CYP3A4: variants seen among roughly 807,000 people sequenced by gnomAD.
CYP3A4 encodes cytochrome P450 3A4.
In CYP3A4, 41 loss-of-function variants were observed where a neutral mutation model predicts 54.9. The observed-to-expected ratio is 0.75, with a 90% confidence interval of 0.58 to 0.97. CYP3A4 has a LOEUF of 0.97. CYP3A4 is among the 50% of genes least tolerant of loss of function. CYP3A4 has a pLI of 0.00. For missense variants in CYP3A4, 510 were observed against 597.3 expected, an observed-to-expected ratio of 0.85 and a Z score of 1.52; for synonymous variants, 179 against 205.2, an observed-to-expected ratio of 0.87 and a Z score of 1.09.
At chr7:99,765,120 G>C (rs1428196463) in intron 9 of CYP3A4, among the ~76,000 whole-genome samples, 1 of 152,164 alleles carries the variant, frequency 6.6e-6, no homozygotes, top group African/African-American at 2.4e-5. Flanking sequence ...ATAGTATTCA[G>C]TTATCATGAA....
Position 99,762,102 on chromosome 7 carries a change from T to A in CYP3A4, c.1192A>T (p.Ser398Cys). The A allele has an allele frequency of 6.2e-7, 1 of 1,614,002 alleles. No homozygotes were observed. Among genetic ancestry groups the A allele is most frequent in the South Asian group, 1.1e-5 (1 of 91,056 alleles). Residue 398 changes from serine to cysteine, a missense_variant, in exon 11 of 13, where the codon AGC becomes TGC. By Grantham distance (112) the Ser-to-Cys change is moderately radical. Coordinates refer to ENST00000651514, the MANE Select transcript of CYP3A4 (RefSeq NM_017460.6). Reference protein sequence around the residue: ...IPKGVVVMIPSYALHRDPKYW... With the variant: ...IPKGVVVMIPCYALHRDPKYW... Reference sequence around the variant, plus strand: ...TTTGGGTCACGGTGAAGAGCATAGCTTGGAATCATCACCACCACCCCTTTG... The same window carrying A: ...TTTGGGTCACGGTGAAGAGCATAGCATGGAATCATCACCACCACCCCTTTG...
intron 4 of CYP3A4, 129 bp from the exon 5 acceptor site, chr7:99,770,364 A>C: frequency 3.3e-6 from 2 of 607,396 alleles, no homozygotes; most frequent in Non-Finnish European, 5.2e-6. Context: ...GATGGGCCCT[A>C]TGCTAGATGC....
rs1345846163 is a variant in CYP3A4, at chr7:99,778,031, C to A, written c.215G>T (p.Trp72Leu). The A allele has an allele frequency of 2.5e-6, 4 of 1,612,650 alleles. No individual in the cohort carries two copies. The highest frequency in any genetic ancestry group is 3.4e-6 in the Non-Finnish European group (4 of 1,178,966). Residue 72 changes from tryptophan (W) to leucine (L), a missense_variant, in exon 3 of 13, where the codon TGG (tryptophan) becomes TTG (leucine). Physicochemically the swap from Trp to Leu is moderately conservative, Grantham distance 61 (BLOSUM62 -2). Transcript: ENST00000651514. Reference protein sequence around the residue: ...MECHKKYGKVWGFYDGQQPVL... With the variant: ...MECHKKYGKVLGFYDGQQPVL... ...TGGAAGTTTCCAGAATACTCACCCC[C>A]ACACTTTTCCATACTTTTTATGACA...
At chr7:99,769,652 C>T (rs1474294004) in intron 6 of CYP3A4, 116 bp downstream of exon 6, 2 of 1,176,166 alleles carry the variant, frequency 1.7e-6, no homozygotes, top group African/African-American at 1.5e-5. Flanking sequence ...TGCATTACCA[C>T]AGCCCTCCTT....
intron 3 of CYP3A4, 101 bp from the exon 4 acceptor site, chr7:99,772,790 CT>C: frequency 8.3e-7 from 1 of 1,201,660 alleles, no homozygotes; most frequent in Non-Finnish European, 1.2e-6. Context: ...TACATAATCC[CT>C]TAGTTGTACA....
intron 3 of CYP3A4, among the ~76,000 whole-genome samples, 177 bp downstream of exon 3, chr7:99,777,851 T>C (rs904962757): frequency 1.3e-5 from 2 of 152,280 alleles, no homozygotes; most frequent in East Asian, 1.9e-4. Flanking sequence ...CAGATTCCCA[T>C]TGCAATACTC....
chr7:99,781,893 A>G (rs1047974241), intron 1 of CYP3A4, among the ~76,000 whole-genome samples: 1 of 152,260 alleles, frequency 6.6e-6, no homozygotes, highest in African/African-American at 2.4e-5. Context: ...AAGACAGTAT[A>G]GGTTCCAAAT....
chr7:99,758,787 T>C lies in CYP3A4; in HGVS notation c.1417-559A>G, dbSNP rs1210272823. Among the ~76,000 whole-genome samples, 3 of 152,192 alleles carry C rather than the reference T, an allele frequency of 2.0e-5. No homozygotes were observed. The East Asian group carries it at 5.8e-4, about 29-fold the overall frequency. On this transcript the variant is annotated intron_variant, in intron 12 of 12. Transcript: ENST00000651514. Reference sequence around the variant, plus strand: ...ATTCCTCCCAATTGAACCCATCCAGTGTAAAGATGGGAAGACACCTTCAGG... The same window carrying C: ...ATTCCTCCCAATTGAACCCATCCAGCGTAAAGATGGGAAGACACCTTCAGG...
chr7:99,777,788 C>G (rs774782952), intron 3 of CYP3A4, among the ~76,000 whole-genome samples: 9 of 152,138 alleles, frequency 5.9e-5, no homozygotes, highest in Non-Finnish European at 1.2e-4. Context: ...TTCCTTGGAG[C>G]CTCTTTGTCT....
chr7:99,767,281 A>G, intron 7 of CYP3A4, 23 bp from the exon 8 acceptor site: 1 of 1,555,882 alleles, frequency 6.4e-7, no homozygotes, highest in Non-Finnish European at 8.6e-7. Context: ...CAAAACAAAA[A>G]CAGAAAAAGA....
intron 3 of CYP3A4, among the ~76,000 whole-genome samples, chr7:99,773,797 A>C (rs1815692310): frequency 6.6e-6 from 1 of 152,216 alleles, no homozygotes; most frequent in Non-Finnish European, 1.5e-5. Context: ...CTAGAGAAGC[A>C]AGAGTAAACA....
At chr7:99,775,912 A>G (rs1347157046) in intron 3 of CYP3A4, among the ~76,000 whole-genome samples, 1 of 152,242 alleles carries the variant, frequency 6.6e-6, no homozygotes, top group African/African-American at 2.4e-5. Flanking sequence ...GGCAACCTAC[A>G]GAATGGGAGA....
In CYP3A4 at chr7:99,758,006, T is replaced by A. The variant is rs35494189; in HGVS notation, c.*127A>T. ...CTCAATGCATGTACAGAATCCCCGG[T>A]TATTTATGCAGTCCATTGGATGAAG... On this transcript the variant is annotated 3_prime_UTR_variant, in exon 13 of 13. Transcript: ENST00000651514. 1 of 748,060 alleles carries A rather than the reference T, an allele frequency of 1.3e-6. No homozygotes were observed. The highest frequency in any genetic ancestry group is 2.3e-6 in the Non-Finnish European group (1 of 433,348). 46.3% of individuals were successfully genotyped at this position (748,060 alleles called of 1,614,324 possible). A position where few individuals can be genotyped will look rare whatever the true frequency, so the allele number is the denominator to read the frequency against.
At position 99,756,977 on chromosome 7, in the gene CYP3A4, A is replaced by G. The variant is rs1815191100; in HGVS notation, c.*1156T>C. The stretch of plus-strand genomic sequence containing the variant: ...GTGCTTTTAGGCTTATTGCTCAATC[A>G]ATTGACCAATCGACTGTTTTTTATT... On this transcript the variant is annotated 3_prime_UTR_variant, in exon 13 of 13. Coordinates refer to ENST00000651514, the MANE Select transcript of CYP3A4 (RefSeq NM_017460.6). 2 of 152,182 alleles carry G rather than the reference A, an allele frequency of 1.3e-5. No individual in the cohort carries two copies. The highest frequency in any genetic ancestry group is 4.8e-5 in the African/African-American group (2 of 41,444). The allele number at this position is 152,182 out of a possible 1,614,324, so 9.4% of individuals were successfully genotyped here. A position where few individuals can be genotyped will look rare whatever the true frequency, so the allele number is the denominator to read the frequency against.
At chr7:99,770,905 T>G (rs1815617515) in intron 4 of CYP3A4, among the ~76,000 whole-genome samples, 1 of 152,166 alleles carries the variant, frequency 6.6e-6, no homozygotes, top group South Asian at 2.1e-4. Flanking sequence ...GCCATTTTTT[T>G]TATAATGAGT....
chr7:99,761,903 A>G (rs1391739117), intron 11 of CYP3A4, 138 bp downstream of exon 11: 1 of 817,826 alleles, frequency 1.2e-6, no homozygotes, highest in African/African-American at 1.7e-5. Flanking sequence ...AATCAATTTG[A>G]TGATTAAAAA....
At chr7:99,769,980 G>C in intron 5 of CYP3A4, 124 bp from the exon 6 acceptor site, 1 of 1,563,940 alleles carries the variant, frequency 6.4e-7, no homozygotes, top group Non-Finnish European at 8.8e-7. Flanking sequence ...TGTGTTTTCT[G>C]TACATAAAGA....
rs756433405 is a variant in CYP3A4, at chr7:99,762,201, TGAGC to T, written c.1089_1092del (p.Leu364AspfsTer7). 14 of 1,614,108 alleles carry T rather than the reference TGAGC, an allele frequency of 8.7e-6. No homozygotes were observed. In the South Asian group the frequency reaches 1.5e-4, roughly 18 times the overall value. The stretch of plus-strand genomic sequence containing the variant: ...AGTCTCATAGCAATTGGGAATAATC[TGAGC>T]GTTTCATTCACCACCATGTCAAGAT... On this transcript the variant is annotated frameshift_variant, in exon 11 of 13. Coordinates refer to ENST00000651514, the MANE Select transcript of CYP3A4 (RefSeq NM_017460.6). LOFTEE classifies it high-confidence loss of function.
At position 99,770,433 on chromosome 7, in the gene CYP3A4, C is replaced by CG. The variant is rs914533642; in HGVS notation, c.319-199dup. Among the ~76,000 whole-genome samples, 27 of 59,490 alleles carry CG rather than the reference C, an allele frequency of 4.5e-4. No homozygotes were observed. In the East Asian group the frequency reaches 5.5e-3, roughly 12 times the overall value. 39.0% of individuals were successfully genotyped at this position (59,490 alleles called of 152,430 possible). The stretch of plus-strand genomic sequence containing the variant: ...TGGGATGTATTTGTGTGGGGCGGGG[C>CG]GGGGGGGTGGCGGCAGTGTTCAGGA... On this transcript the variant is annotated intron_variant, in intron 4 of 12. Coordinates refer to ENST00000651514, the MANE Select transcript of CYP3A4 (RefSeq NM_017460.6).
Sources: gnomAD v4.1 joint callset for allele counts (sites outside exome capture counted in the v4.1 genomes callset) on GRCh38, gnomAD v4.1.1 for gene constraint, MANE v1.5 for transcripts, NCBI Gene and HGNC (gene_info 2026-07-23, HGNC 2026-07-21) for gene names.